The following TGFBR3 variants were observed in gnomAD, a reference collection of about 807,000 sequenced individuals.
TGFBR3 encodes the protein transforming growth factor beta receptor 3.
TGFBR3 carries 46 observed loss-of-function variants against 87.9 expected under a neutral mutation model. The ratio of observed to expected loss-of-function variants is 0.52; its 90% CI spans 0.41 to 0.67. The LOEUF (loss-of-function observed/expected upper bound fraction) is 0.67, where lower values mean the gene tolerates loss of function less well. Ranked by LOEUF, TGFBR3 falls within the 30% of genes least tolerant of loss-of-function variation. The pLI, the probability that TGFBR3 is intolerant of heterozygous loss-of-function variation, is 0.00. For missense variants in TGFBR3, 866 were observed against 1,041.9 expected (o/e 0.83, Z 2.32); for synonymous variants, 381 against 391.6 (o/e 0.97, Z 0.32).
rs1369423557 is a variant in TGFBR3 at position 91,680,698 on chromosome 1, T to A, written c.*3041A>T. Reference sequence around the variant, plus strand: ...ATAGGACTCACCCAACAAAATGTGCTCTGTTAACACAACCAGCAGTACAAT... The same window carrying A: ...ATAGGACTCACCCAACAAAATGTGCACTGTTAACACAACCAGCAGTACAAT... On this transcript the variant is annotated 3_prime_UTR_variant, in exon 17 of 17. Transcript: ENST00000212355. 2.2e-6 allele frequency: 1 copy of A among 453,890 alleles called. No individual in the cohort carries two copies. Among genetic ancestry groups the A allele is most frequent in the Admixed American group, 2.4e-5 (1 of 42,544 alleles). The allele number at this position is 453,890 out of a possible 1,614,324, so 28.1% of individuals were successfully genotyped here.
At chr1:91,699,429 T>G (rs1671544661) in intron 14 of TGFBR3, among the ~76,000 whole-genome samples, 1 of 127,492 alleles carries the variant, frequency 7.8e-6, no homozygotes, top group Non-Finnish European at 1.6e-5. Context: ...CTCTTTCTTT[T>G]GCTTTTTTTT....
At chr1:91,687,613 C>G (rs988357441) in intron 16 of TGFBR3, among the ~76,000 whole-genome samples, 3 of 151,982 alleles carry the variant, frequency 2.0e-5, no homozygotes, top group African/African-American at 4.8e-5. Context: ...GGTATTTAGG[C>G]CAAAGGAGAC....
intron 11 of TGFBR3, 85 bp from the exon 12 acceptor site, chr1:91,716,479 A>G: frequency 1.9e-6 from 3 of 1,614,032 alleles, no homozygotes; most frequent in Non-Finnish European, 2.5e-6. Context: ...GGCTTTTAAC[A>G]TCTGATTTTA....
intron 3 of TGFBR3, among the ~76,000 whole-genome samples, chr1:91,771,638 G>A (rs376513421): frequency 5.3e-5 from 8 of 149,626 alleles, no homozygotes; most frequent in Middle Eastern, 3.5e-3. Flanking sequence ...CATGGGAGGC[G>A]GAGCTTGCAG....
At chr1:91,710,877 G>A (rs550484138) in intron 13 of TGFBR3, among the ~76,000 whole-genome samples, 1 of 152,142 alleles carries the variant, frequency 6.6e-6, no homozygotes, top group Non-Finnish European at 1.5e-5. Flanking sequence ...GCGACTTGAG[G>A]TTTAGGGTTA....
At chr1:91,841,258 C>T (rs1677267270) in intron 2 of TGFBR3, among the ~76,000 whole-genome samples, 1 of 152,200 alleles carries the variant, frequency 6.6e-6, no homozygotes, top group Non-Finnish European at 1.5e-5. Flanking sequence ...AGTGCTTTTC[C>T]TCAAGAAAAT....
intron 2 of TGFBR3, among the ~76,000 whole-genome samples, chr1:91,813,953 A>C (rs1407993390): frequency 6.6e-6 from 1 of 152,166 alleles, no homozygotes; most frequent in Non-Finnish European, 1.5e-5. Flanking sequence ...TCCTATAAAA[A>C]TCTAATGCCA....
At chr1:91,891,711 T>C (rs182471374) in intron 2 of TGFBR3, among the ~76,000 whole-genome samples, 6 of 152,280 alleles carry the variant, frequency 3.9e-5, no homozygotes, top group Admixed American at 3.9e-4. Context: ...CCAAAATTGT[T>C]GTGACAGGAT....
chr1:91,869,386 C>T (rs868620942), intron 1 of TGFBR3, among the ~76,000 whole-genome samples: 13 of 152,106 alleles, frequency 8.5e-5, no homozygotes, highest in Admixed American at 1.3e-4. Context: ...TAGTACAGGC[C>T]GGGAGTGGTA....
intron 3 of TGFBR3, among the ~76,000 whole-genome samples, chr1:91,794,992 G>A (rs1405409641): frequency 6.6e-6 from 1 of 152,226 alleles, no homozygotes; most frequent in East Asian, 1.9e-4. Flanking sequence ...TCAAAAGAGT[G>A]AGCGATATTT....
rs1162741690 is a variant in TGFBR3 at position 91,885,636 on chromosome 1, G to C, written c.-114+242C>G. ...CCTCCCCAGCACTGCGCATCGCCGG[G>C]GGCACTGCCTGCCCCGTGCGGCCGC... On this transcript the variant is annotated intron_variant, in intron 1 of 16. Coordinates refer to ENST00000212355, the MANE Select transcript of TGFBR3 (RefSeq NM_003243.5). Among the ~76,000 whole-genome samples the C allele has an allele frequency of 2.0e-5, 3 of 152,166 alleles. No individual in the cohort carries two copies. In the East Asian group the frequency reaches 5.8e-4, roughly 29 times the overall value.
intron 2 of TGFBR3, among the ~76,000 whole-genome samples, chr1:91,807,075 C>T (rs1184113787): frequency 1.3e-5 from 2 of 152,208 alleles, no homozygotes; most frequent in African/African-American, 4.8e-5. Flanking sequence ...ACACGCCTGA[C>T]GTGTACATAA....
intron 1 of TGFBR3, among the ~76,000 whole-genome samples, chr1:91,884,523 G>C (rs1371077435): frequency 6.6e-6 from 1 of 152,144 alleles, no homozygotes; most frequent in African/African-American, 2.4e-5. Context: ...AAGATGCATG[G>C]ACTATGCACA....
chr1:91,755,690 T>C (rs1673716786), intron 4 of TGFBR3, among the ~76,000 whole-genome samples: 2 of 152,214 alleles, frequency 1.3e-5, no homozygotes, highest in South Asian at 4.1e-4. Flanking sequence ...AAGCAGTTTT[T>C]ACAGATTTTA....
At chr1:91,849,619 G>A (rs1677640141) in intron 2 of TGFBR3, among the ~76,000 whole-genome samples, 1 of 152,132 alleles carries the variant, frequency 6.6e-6, no homozygotes, top group Non-Finnish European at 1.5e-5. Context: ...CATTTTGTTT[G>A]TTTCTGGTCT....
chr1:91,851,326 C>T (rs2101146708), intron 2 of TGFBR3, among the ~76,000 whole-genome samples: 1 of 152,250 alleles, frequency 6.6e-6, no homozygotes, highest in South Asian at 2.1e-4. Context: ...GATTGAAGTT[C>T]AGGATAAATG....
intron 4 of TGFBR3, among the ~76,000 whole-genome samples, chr1:91,736,192 C>T (rs1363344268): frequency 1.3e-5 from 2 of 151,968 alleles, no homozygotes. Flanking sequence ...ACTAGAATCA[C>T]CTGAAAAGTT....
chr1:91,693,352 A>G (rs1226071082), intron 16 of TGFBR3, among the ~76,000 whole-genome samples: 2 of 152,114 alleles, frequency 1.3e-5, no homozygotes, highest in East Asian at 3.8e-4. Context: ...CACAGGAGGG[A>G]GGTCTTTGGT....
chr1:91,858,441 C>T (rs886100421), intron 2 of TGFBR3, among the ~76,000 whole-genome samples: 1 of 151,550 alleles, frequency 6.6e-6, no homozygotes. Flanking sequence ...ACGATGAAAC[C>T]CCATCTCTAC....
Sources: allele counts gnomAD v4.1 joint callset (sites outside exome capture counted in the v4.1 genomes callset), GRCh38; gene constraint gnomAD v4.1.1; transcripts MANE v1.5; gene names NCBI Gene and HGNC (gene_info 2026-07-23, HGNC 2026-07-21).